The following ABLIM1 variants were observed in gnomAD, a reference collection of about 807,000 sequenced individuals.
ABLIM1 encodes actin binding LIM protein 1, also known as actin-binding LIM protein 1.
A neutral mutation model predicts 107.0 loss-of-function variants in ABLIM1; 40 were observed. The observed-to-expected ratio is 0.37, with a 90% CI of 0.29 to 0.49. ABLIM1 has a LOEUF of 0.49. Ranked by LOEUF, ABLIM1 falls within the 20% of genes least tolerant of loss-of-function variation. The probability of loss-of-function intolerance (pLI) is 0.97; values close to 1 mark genes in which losing one functional copy is unlikely to be tolerated. For synonymous variants in ABLIM1, 357 were observed against 357.3 expected (o/e 1.00, Z 0.01); for missense variants, 857 against 1,008.5 (o/e 0.85, Z 2.04).
intron 1 of ABLIM1, among the ~76,000 whole-genome samples, chr10:114,607,210 G>A (rs555595096): frequency 1.3e-5 from 2 of 152,242 alleles, no homozygotes; most frequent in South Asian, 4.1e-4. Context: ...CTACAGGTGT[G>A]CACCACCACG....
At chr10:114,546,179 C>A (rs964139876) in intron 5 of ABLIM1, among the ~76,000 whole-genome samples, 2 of 151,996 alleles carry the variant, frequency 1.3e-5, no homozygotes, top group African/African-American at 4.8e-5. Context: ...AGAGTGCCAC[C>A]CTAGACTGCC....
chr10:114,545,557 G>A (rs909007580), intron 5 of ABLIM1, among the ~76,000 whole-genome samples: 9 of 152,112 alleles, frequency 5.9e-5, no homozygotes, highest in South Asian at 2.1e-4. Context: ...AAACACTAGC[G>A]ACAATTTCAT....
upstream of ABLIM1, among the ~76,000 whole-genome samples, chr10:114,771,050 C>T (rs1394532625): frequency 1.3e-5 from 2 of 152,146 alleles, no homozygotes; most frequent in African/African-American, 4.8e-5. Flanking sequence ...AGGCTGGTCT[C>T]GAACTCCAGG....
the ABLIM1 span, among the ~76,000 whole-genome samples, chr10:114,782,996 G>C: frequency 6.6e-6 from 1 of 151,950 alleles, no homozygotes; most frequent in South Asian, 2.1e-4. Flanking sequence ...AAAGGGAAAG[G>C]TTTGGCCAGG....
intron 8 of ABLIM1, among the ~76,000 whole-genome samples, chr10:114,481,822 A>T (rs2057419440): frequency 6.6e-6 from 1 of 152,278 alleles, no homozygotes; most frequent in South Asian, 2.1e-4. Flanking sequence ...GGAGTAAAAC[A>T]GTATGTATTG....
chr10:114,474,193 C>T (rs887087112), intron 8 of ABLIM1, among the ~76,000 whole-genome samples: 3 of 152,140 alleles, frequency 2.0e-5, no homozygotes, highest in African/African-American at 7.2e-5. Flanking sequence ...TTGTCCCCTA[C>T]GAGAATTTCT....
At chr10:114,577,571 C>T (rs2072759147) in intron 2 of ABLIM1, among the ~76,000 whole-genome samples, 1 of 152,180 alleles carries the variant, frequency 6.6e-6, no homozygotes. Context: ...CTTAGGGCAC[C>T]TGTCTGCAGC....
intron 1 of ABLIM1, among the ~76,000 whole-genome samples, chr10:114,603,302 G>T (rs985903085): frequency 3.9e-5 from 6 of 152,156 alleles, no homozygotes; most frequent in African/African-American, 1.2e-4. Flanking sequence ...GCAAGAGTTT[G>T]AACAAGATAG....
chr10:114,565,358 A>G (rs1330753494), intron 4 of ABLIM1, among the ~76,000 whole-genome samples: 1 of 152,244 alleles, frequency 6.6e-6, no homozygotes, highest in African/African-American at 2.4e-5. Context: ...AGAGTGACAA[A>G]AGCAGAGTCA....
chr10:114,721,317 G>A (rs960941611), intron 1 of ABLIM1, among the ~76,000 whole-genome samples: 2 of 152,140 alleles, frequency 1.3e-5, no homozygotes, highest in African/African-American at 2.4e-5. Flanking sequence ...TTCACAGCTC[G>A]TGGGTGATGG....
intron 1 of ABLIM1, among the ~76,000 whole-genome samples, chr10:114,612,048 C>T (rs117578303): frequency 2.5e-3 from 380 of 152,282 alleles, no homozygotes; most frequent in Non-Finnish European, 4.4e-3. Context: ...ACATGCCCGA[C>T]CTTCTAGGGT....
chr10:114,707,103 T>C lies in ABLIM1; in HGVS notation c.-213+60958A>G, dbSNP rs965817181. ...TTAATTTTAAGATTTTTAAGATTTT[T>C]ATTTAACCTAATATATCAAAAATAC... On this transcript the variant is annotated intron_variant, in intron 1 of 15. Transcript: ENST00000651092. This position sits in a 1 kb window ranked among gnomAD's most constrained non-coding sequence, Gnocchi z 4.1. Among the ~76,000 whole-genome samples, 2 of 152,246 alleles carry C rather than the reference T, an allele frequency of 1.3e-5. No homozygotes were observed. Among genetic ancestry groups the C allele is most frequent in the Non-Finnish European group, 2.9e-5 (2 of 68,052 alleles).
chr10:114,437,690 C>T (rs1202128737), intron 22 of ABLIM1, among the ~76,000 whole-genome samples, 154 bp downstream of exon 22: 1 of 152,116 alleles, frequency 6.6e-6, no homozygotes, highest in Admixed American at 6.5e-5. Flanking sequence ...TATTTTTTTT[C>T]TCCAAAGTTA....
intron 12 of ABLIM1, among the ~76,000 whole-genome samples, chr10:114,461,899 A>T (rs529711718): frequency 2.5e-4 from 38 of 152,330 alleles, no homozygotes; most frequent in African/African-American, 9.1e-4. Flanking sequence ...CTATCAAAAA[A>T]TTTGCTAATG....
chr10:114,695,100 C>T (rs908527103), intron 1 of ABLIM1, among the ~76,000 whole-genome samples: 1 of 152,236 alleles, frequency 6.6e-6, no homozygotes, highest in Middle Eastern at 3.4e-3. Flanking sequence ...GGAACAAGAC[C>T]TCATTCTCTA....
intron 1 of ABLIM1, among the ~76,000 whole-genome samples, chr10:114,646,847 A>G (rs143432058): frequency 2.0e-3 from 312 of 152,308 alleles, no homozygotes; most frequent in African/African-American, 6.7e-3. Context: ...AAATAGACCA[A>G]TTGAACCACG....
At chr10:114,479,465 C>T (rs1016790034) in intron 8 of ABLIM1, among the ~76,000 whole-genome samples, 1 of 152,182 alleles carries the variant, frequency 6.6e-6, no homozygotes, top group Non-Finnish European at 1.5e-5. Context: ...GACAGATAGC[C>T]TTCCCCTCCT....
chr10:114,551,974 A>G (rs748116113), intron 4 of ABLIM1, among the ~76,000 whole-genome samples: 1 of 152,160 alleles, frequency 6.6e-6, no homozygotes, highest in Non-Finnish European at 1.5e-5. Context: ...GCCAGCTGGT[A>G]AGGTTGGGCT....
chr10:114,745,038 C>T (rs1192802776), intron 1 of ABLIM1, among the ~76,000 whole-genome samples: 1 of 152,114 alleles, frequency 6.6e-6, no homozygotes, highest in Non-Finnish European at 1.5e-5. Flanking sequence ...GCTTCCCTCT[C>T]CCAGGTGCTC....
Sources: gnomAD v4.1 joint callset for allele counts (sites outside exome capture counted in the v4.1 genomes callset) on GRCh38, gnomAD v4.1.1 for gene constraint, Gnocchi (gnomAD v3.1) non-coding constraint, MANE v1.5 for transcripts, NCBI Gene and HGNC (gene_info 2026-07-23, HGNC 2026-07-21) for gene names.